Variants in C16orf96 observed in about 807,000 individuals in gnomAD.
C16orf96 encodes the protein uncharacterized protein C16orf96.
C16orf96 carries 108 observed loss-of-function variants against 103.6 expected under a neutral mutation model. The observed-to-expected ratio is 1.04, with a 90% CI of 0.89 to 1.22. C16orf96 has a LOEUF of 1.22. Among genes scored for constraint, C16orf96 ranks in the 50% most tolerant of loss-of-function variants. C16orf96 has a pLI of 0.00. For synonymous variants in C16orf96, 566 were observed against 593.5 expected, an observed-to-expected ratio of 0.95 and a Z score of 0.67; for missense variants, 1,586 against 1,464.2, an observed-to-expected ratio of 1.08 and a Z score of -1.36.
rs1047965485 is a variant in C16orf96 at position 4,588,285 on chromosome 16, G to C, written c.2546G>C (p.Ser849Thr). The change falls in exon 9 of 16, where the codon AGC becomes ACC. Residue 849 changes from serine to threonine, a missense_variant. Transcript: ENST00000444310. ...TTCAAGGTCACGATCCATGAGGACAGCTGGAAGAAGGCTATGGAGGAGCTC... is the reference window on the plus strand; with the variant it reads ...TTCAAGGTCACGATCCATGAGGACACCTGGAAGAAGGCTATGGAGGAGCTC... ...ILFKVTIHED[S>T]WKKAMEELSK... 18 of 1,551,624 alleles carry C rather than the reference G, an allele frequency of 1.2e-5. No homozygotes were observed. Among genetic ancestry groups the C allele is most frequent in the Non-Finnish European group, 1.5e-5 (17 of 1,147,000 alleles).
At position 4,575,388 on chromosome 16, in the gene C16orf96, C is replaced by G. The variant is rs746025683; in HGVS notation, c.908C>G (p.Ala303Gly). The change falls in exon 5 of 16, where the codon GCC becomes GGC. Residue 303 changes from alanine (A) to glycine (G), a missense_variant. Transcript: ENST00000444310. ...SSAQAVSLSR[A>G]QEPAQPPALT... The stretch of plus-strand genomic sequence containing the variant: ...GCCCAAGCAGTTTCACTCAGCAGAG[C>G]CCAGGAGCCAGCGCAGCCTCCGGCC... 2 of 1,550,856 alleles carry G rather than the reference C, an allele frequency of 1.3e-6. No individual in the cohort carries two copies. The highest frequency in any genetic ancestry group is 4.9e-5 in the East Asian group (2 of 40,920).
intron 1 of C16orf96, among the ~76,000 whole-genome samples, chr16:4,558,461 A>G (rs2059291384): frequency 6.6e-6 from 1 of 152,092 alleles, no homozygotes. Context: ...AAAAAAATGA[A>G]TAAATTAGCC....
At position 4,593,288 on chromosome 16, in the gene C16orf96, T is replaced by TGAG. The variant is rs772704919; in HGVS notation, c.2840_2841insAGG (p.Cys947delinsTer). 18 of 1,550,802 alleles carry TGAG rather than the reference T, an allele frequency of 1.2e-5. No individual in the cohort carries two copies. The highest frequency in any genetic ancestry group is 1.4e-5 in the Non-Finnish European group (16 of 1,146,874). On this transcript the variant is annotated stop_gained, in exon 12 of 16. Transcript: ENST00000444310. LOFTEE classifies it high-confidence loss of function. This position sits in a 1 kb window ranked among gnomAD's most constrained non-coding sequence, Gnocchi z 4.2. ...GCTGCGGCCAGCCAGCGCCAACAGC[T>TGAG]GCGAGTACTTGCAGCGGCAACAGAT...
At chr16:4,561,403 G>A (rs1686044629) in intron 1 of C16orf96, 1 of 152,242 alleles carries the variant, frequency 6.6e-6, no homozygotes, top group Non-Finnish European at 1.5e-5. Flanking sequence ...GACAAAAATT[G>A]TTACTAGAGA....
At chr16:4,590,884 T>C (rs954177861) in intron 9 of C16orf96, among the ~76,000 whole-genome samples, 12 of 147,046 alleles carry the variant, frequency 8.2e-5, no homozygotes, top group Non-Finnish European at 3.0e-5. Context: ...AAAAAAAAAT[T>C]AGTCGGGTTT....
At chr16:4,545,720 A>G in the C16orf96 span, among the ~76,000 whole-genome samples, 6 of 151,042 alleles carry the variant, frequency 4.0e-5, no homozygotes, top group African/African-American at 9.8e-5. Flanking sequence ...ATCAATCTCT[A>G]TTTTCCCTTG....
At chr16:4,545,152 T>G in the C16orf96 span, among the ~76,000 whole-genome samples, 1 of 152,204 alleles carries the variant, frequency 6.6e-6, no homozygotes, top group African/African-American at 2.4e-5. Flanking sequence ...GGTGCTCTTC[T>G]GAATCCTCTC....
chr16:4,597,093 A>AC (rs72529024), intron 14 of C16orf96, among the ~76,000 whole-genome samples: 146,320 of 152,256 alleles, frequency 0.96, 70,558 homozygotes, highest in East Asian at 1. Flanking sequence ...TTTGGGGAGC[A>AC]CATTCAACAC....
At chr16:4,546,161 CT>C in the C16orf96 span, among the ~76,000 whole-genome samples, 15,841 of 133,968 alleles carry the variant, frequency 0.12, 939 homozygotes, top group South Asian at 0.25. Flanking sequence ...TTCCTTCTTT[CT>C]TTTTTTTTTT....
At chr16:4,598,242 T>C (rs998441447) in intron 14 of C16orf96, among the ~76,000 whole-genome samples, 1 of 152,064 alleles carries the variant, frequency 6.6e-6, no homozygotes, top group Non-Finnish European at 1.5e-5. Flanking sequence ...TCCCAGCTAC[T>C]TGGGGGGCTG....
Position 4,582,447 on chromosome 16 carries a change from G to C in C16orf96, c.2352+2322G>C, listed in dbSNP as rs200612105. Among the ~76,000 whole-genome samples the C allele has an allele frequency of 1.2e-4, 19 of 152,232 alleles. 1 individual carries two copies. In the East Asian group the frequency reaches 3.7e-3, roughly 29 times the overall value. ...CCCATGGCGTATGGCTGACCCCAAG[G>C]CTGGCACACTGTAATCAGGCTGGGA... On this transcript the variant is annotated intron_variant, in intron 7 of 15. Coordinates refer to ENST00000444310, the MANE Select transcript of C16orf96 (RefSeq NM_001145011.2).
chr16:4,564,843 G>C (rs554231242), intron 1 of C16orf96, among the ~76,000 whole-genome samples: 93 of 152,210 alleles, frequency 6.1e-4, no homozygotes, highest in African/African-American at 2.2e-3. Flanking sequence ...ATAAAAATTG[G>C]GTTTTTAACT....
Position 4,593,382 on chromosome 16 carries a change from C to A in C16orf96, c.2867+66C>A. ...GGAGGCCACTCTGGAGCCTGGGAAC[C>A]CTGTTCCTGCAGAGACACATCCTCC... is the stretch of plus-strand genomic sequence containing the variant. On this transcript the variant is annotated intron_variant, in intron 12 of 15. Coordinates refer to ENST00000444310, the MANE Select transcript of C16orf96 (RefSeq NM_001145011.2). The surrounding 1 kb of genome is among the most constrained non-coding windows in gnomAD (Gnocchi z 4.2). 7.0e-7 allele frequency: 1 copy of A among 1,424,816 alleles called. No homozygotes were observed. The highest frequency in any genetic ancestry group is 1.2e-5 in the South Asian group (1 of 80,950). 88.3% of individuals were successfully genotyped at this position (1,424,816 alleles called of 1,614,324 possible).
At chr16:4,585,348 T>C (rs1275022071) in intron 7 of C16orf96, among the ~76,000 whole-genome samples, 4 of 145,594 alleles carry the variant, frequency 2.7e-5, no homozygotes, top group South Asian at 2.2e-4. Flanking sequence ...TCCCAGCTCC[T>C]CTGGAAGCTG....
the C16orf96 span, among the ~76,000 whole-genome samples, chr16:4,546,087 A>G: frequency 6.6e-6 from 1 of 151,052 alleles, no homozygotes; most frequent in African/African-American, 2.4e-5. Flanking sequence ...TGACCTCATG[A>G]TCCGCCCACC....
At chr16:4,543,260 G>A in the C16orf96 span, among the ~76,000 whole-genome samples, 1 of 152,172 alleles carries the variant, frequency 6.6e-6, no homozygotes, top group South Asian at 2.1e-4. Context: ...AGCTGCTAAT[G>A]CAAAGTTGCA....
At chr16:4,596,703 C>CAAAA (rs1195235174) in intron 14 of C16orf96, among the ~76,000 whole-genome samples, 1 of 151,774 alleles carries the variant, frequency 6.6e-6, no homozygotes, top group Non-Finnish European at 1.5e-5. Context: ...AACAAACAAA[C>CAAAA]AAAAACAGAA....
the C16orf96 span, among the ~76,000 whole-genome samples, chr16:4,539,326 C>T: frequency 5.9e-5 from 9 of 152,284 alleles, no homozygotes; most frequent in South Asian, 1.9e-3. Context: ...CCAAAACAAA[C>T]CCCCTTGTTG....
intron 15 of C16orf96, among the ~76,000 whole-genome samples, chr16:4,599,624 G>A (rs1897243507): frequency 1.3e-5 from 2 of 152,232 alleles, no homozygotes; most frequent in Admixed American, 1.3e-4. Flanking sequence ...GGAAGGAACT[G>A]AGCTTCTCTG....
Sources: gnomAD v4.1 joint callset for allele counts (sites outside exome capture counted in the v4.1 genomes callset) on GRCh38, gnomAD v4.1.1 for gene constraint, Gnocchi (gnomAD v3.1) non-coding constraint, MANE v1.5 for transcripts, NCBI Gene and HGNC (gene_info 2026-07-23, HGNC 2026-07-21) for gene names.